The following RAB6B variants were observed in gnomAD, a reference collection of about 807,000 sequenced individuals.
RAB6B encodes ras-related protein Rab-6B.
RAB6B carries 7 observed loss-of-function variants against 31.2 expected under a neutral mutation model. The ratio of observed to expected loss-of-function variants is 0.22; its 90% confidence interval spans 0.13 to 0.42. RAB6B has a LOEUF of 0.42. RAB6B is among the 10% of genes least tolerant of loss of function. The pLI, the probability that RAB6B is intolerant of heterozygous loss-of-function variation, is 1.00. For missense variants in RAB6B, 149 were observed against 280.6 expected, an observed-to-expected ratio of 0.53 and a Z score of 3.35; for synonymous variants, 105 against 104.9, an observed-to-expected ratio of 1.00 and a Z score of -0.01.
intron 1 of RAB6B, among the ~76,000 whole-genome samples, chr3:133,864,862 AG>A (rs1223008200): frequency 6.6e-6 from 1 of 152,206 alleles, no homozygotes; most frequent in Non-Finnish European, 1.5e-5. Context: ...GCCAGGCACC[AG>A]GGTGCTGCCA....
At position 133,824,988 on chromosome 3, in the gene RAB6B, T is replaced by G. The variant is rs1407616638; in HGVS notation, c.*3800A>C. ...TTTTCCTGCCTGTAGACAGGAAAAG[T>G]TGTGACAGCTCTGCTTCACATAGCT... On this transcript the variant is annotated 3_prime_UTR_variant, in exon 8 of 8. Coordinates refer to ENST00000285208, the MANE Select transcript of RAB6B (RefSeq NM_016577.4). 1 of 152,116 alleles carries G rather than the reference T, an allele frequency of 6.6e-6. No individual in the cohort carries two copies. Among genetic ancestry groups the G allele is most frequent in the Admixed American group, 6.5e-5 (1 of 15,274 alleles). The allele number at this position is 152,116 out of a possible 1,614,324, so 9.4% of individuals were successfully genotyped here.
At chr3:133,878,581 G>A (rs1181543934) in intron 1 of RAB6B, among the ~76,000 whole-genome samples, 1 of 152,244 alleles carries the variant, frequency 6.6e-6, no homozygotes, top group African/African-American at 2.4e-5. Flanking sequence ...AGATGGAAAT[G>A]CGGATTTATA....
intron 1 of RAB6B, among the ~76,000 whole-genome samples, chr3:133,889,338 A>G (rs1388884452): frequency 1.5e-5 from 2 of 135,094 alleles, no homozygotes; most frequent in Non-Finnish European, 3.3e-5. Flanking sequence ...ATAGTCATAG[A>G]CTGATTTTAG....
intron 1 of RAB6B, among the ~76,000 whole-genome samples, chr3:133,874,915 C>T (rs1024559929): frequency 1.3e-4 from 20 of 152,096 alleles, no homozygotes; most frequent in African/African-American, 3.1e-4. Flanking sequence ...TCCACCTCTC[C>T]GTCTCCCACT....
At chr3:133,840,343 A>T (rs1935806779) in intron 4 of RAB6B, among the ~76,000 whole-genome samples, 1 of 152,106 alleles carries the variant, frequency 6.6e-6, no homozygotes, top group Non-Finnish European at 1.5e-5. Flanking sequence ...CAGCCTGCAC[A>T]CCCAAGGGGA....
chr3:133,826,457 T>G lies in RAB6B; in HGVS notation c.*2331A>C, dbSNP rs1326708491. The G allele has an allele frequency of 6.6e-6, 1 of 152,642 alleles. No individual in the cohort carries two copies. Among genetic ancestry groups the G allele is most frequent in the Non-Finnish European group, 1.5e-5 (1 of 68,052 alleles). 9.5% of individuals were successfully genotyped at this position (152,642 alleles called of 1,614,324 possible). A position where few individuals can be genotyped will look rare whatever the true frequency, so the allele number is the denominator to read the frequency against. On this transcript the variant is annotated 3_prime_UTR_variant, in exon 8 of 8. Transcript: ENST00000285208. ...AAAAATCTACCATACGTTCATTCAC[T>G]GAGACCCAGTGCAGATTCCTGTAAA...
Position 133,825,857 on chromosome 3 carries a change from C to T in RAB6B, c.*2931G>A, listed in dbSNP as rs954977768. ...TGAATTGCTCAATTGAGAACATTTCCTCAAAGGAATCCTCCAATTTGCCCT... is the reference window on the plus strand; with the variant it reads ...TGAATTGCTCAATTGAGAACATTTCTTCAAAGGAATCCTCCAATTTGCCCT... On this transcript the variant is annotated 3_prime_UTR_variant, in exon 8 of 8. Coordinates refer to ENST00000285208, the MANE Select transcript of RAB6B (RefSeq NM_016577.4). 6.6e-6 allele frequency: 1 copy of T among 152,296 alleles called. No individual in the cohort carries two copies. Among genetic ancestry groups the T allele is most frequent in the East Asian group, 1.9e-4 (1 of 5,184 alleles). 9.4% of individuals were successfully genotyped at this position (152,296 alleles called of 1,614,324 possible). A position where few individuals can be genotyped will look rare whatever the true frequency, so the allele number is the denominator to read the frequency against.
At chr3:133,877,197 C>T (rs535522747) in intron 1 of RAB6B, among the ~76,000 whole-genome samples, 2 of 152,312 alleles carry the variant, frequency 1.3e-5, no homozygotes, top group Admixed American at 6.5e-5. Flanking sequence ...GAAAACACAG[C>T]AGCTAGAGTT....
intron 3 of RAB6B, 106 bp downstream of exon 3, chr3:133,841,504 C>T (rs534229210): frequency 6.5e-7 from 1 of 1,534,364 alleles, no homozygotes; most frequent in Non-Finnish European, 9.0e-7. Flanking sequence ...CCAGCTCCAG[C>T]CCCTAGTGTC....
At chr3:133,880,478 C>A (rs1165384640) in intron 1 of RAB6B, among the ~76,000 whole-genome samples, 2 of 152,238 alleles carry the variant, frequency 1.3e-5, no homozygotes, top group African/African-American at 4.8e-5. Context: ...CTTGCTCAGG[C>A]AAGTGGAAGG....
rs115662565 is a variant in RAB6B, at chr3:133,835,159, G to A, written c.496-518C>T. Among the ~76,000 whole-genome samples the A allele has an allele frequency of 2.5e-3, 379 of 152,322 alleles. 3 individuals carry two copies. The highest frequency in any genetic ancestry group is 8.7e-3 in the African/African-American group (363 of 41,578). ...ACAGTGGTGAGGCTTCTCTGAGAGC[G>A]CGAGGGATGCAGGAGTGTGAACACA... On this transcript the variant is annotated intron_variant, in intron 6 of 7. Transcript: ENST00000285208.
chr3:133,881,073 G>T (rs761594728), intron 1 of RAB6B, among the ~76,000 whole-genome samples: 5 of 152,144 alleles, frequency 3.3e-5, no homozygotes, highest in Non-Finnish European at 5.9e-5. Context: ...GTCAACAAAG[G>T]GCCAGGCTGG....
chr3:133,881,886 A>G (rs1160910462), intron 1 of RAB6B, among the ~76,000 whole-genome samples: 2 of 152,216 alleles, frequency 1.3e-5, no homozygotes, highest in Non-Finnish European at 2.9e-5. Context: ...TGTATTAGTT[A>G]TCTGTTGCTT....
chr3:133,877,766 A>C (rs376799168), intron 1 of RAB6B, among the ~76,000 whole-genome samples: 1 of 148,496 alleles, frequency 6.7e-6, no homozygotes, highest in South Asian at 2.1e-4. Flanking sequence ...TATAATATAT[A>C]TTATATATAA....
In RAB6B at chr3:133,895,459, G is replaced by T; in HGVS notation, c.8C>A (p.Ala3Glu). The change falls in exon 1 of 8, where the codon GCA becomes GAA. Residue 3 changes from alanine to glutamate, a missense_variant. Around this residue, in one of 2 missense-constraint regions of RAB6B, gnomAD observed 75 missense variants for 180.1 expected, o/e 0.42. Transcript: ENST00000285208. The part of the protein sequence containing the change: MS[A>E]GGDFGNPLRK... ...CAGTGGATTCCCAAAATCTCCCCCT[G>T]CGGACATGGTGCTGGCAGCCGGGGC... 1 of 1,611,058 alleles carries T rather than the reference G, an allele frequency of 6.2e-7. No homozygotes were observed. The highest frequency in any genetic ancestry group is 2.2e-5 in the East Asian group (1 of 44,688).
intron 2 of RAB6B, among the ~76,000 whole-genome samples, chr3:133,861,078 G>A (rs1202654263): frequency 6.6e-6 from 1 of 152,362 alleles, no homozygotes; most frequent in East Asian, 1.9e-4. Flanking sequence ...GGTGGCATGA[G>A]TACAGGTTTC....
intron 1 of RAB6B, among the ~76,000 whole-genome samples, chr3:133,878,698 C>G (rs1436336903): frequency 6.6e-6 from 1 of 152,156 alleles, no homozygotes. Flanking sequence ...AAATTAGCAA[C>G]AATATATTAG....
intron 5 of RAB6B, among the ~76,000 whole-genome samples, 176 bp downstream of exon 5, chr3:133,839,330 C>A (rs1354469487): frequency 6.6e-6 from 1 of 152,216 alleles, no homozygotes; most frequent in Admixed American, 6.5e-5. Context: ...AGATGAGATA[C>A]CCATGGATGA....
chr3:133,839,007 T>G (rs1319435065), intron 5 of RAB6B, among the ~76,000 whole-genome samples: 2 of 152,230 alleles, frequency 1.3e-5, no homozygotes, highest in East Asian at 3.8e-4. Context: ...GAAAGCTTCA[T>G]GCCAGACGCA....
Sources: gnomAD v4.1 joint callset for allele counts (sites outside exome capture counted in the v4.1 genomes callset) on GRCh38, gnomAD v4.1.1 for gene constraint, gnomAD v4.1.1 regional missense constraint, MANE v1.5 for transcripts, NCBI Gene and HGNC (gene_info 2026-07-23, HGNC 2026-07-21) for gene names.